Variants in ST3GAL1 observed in about 807,000 individuals in gnomAD.
The protein encoded by ST3GAL1 is ST3 beta-galactoside alpha-2,3-sialyltransferase 1.
Under a neutral mutation model 34.1 loss-of-function variants are expected in ST3GAL1, and 16 were observed. That is an observed-to-expected ratio of 0.47 (90% CI 0.32 to 0.71). The LOEUF (loss-of-function observed/expected upper bound fraction) is 0.71, where lower values mean the gene tolerates loss of function less well. ST3GAL1 is among the 30% of genes least tolerant of loss of function. ST3GAL1 has a pLI of 0.04. For synonymous variants in ST3GAL1, 191 were observed against 184.7 expected (o/e 1.03, Z -0.28); for missense variants, 353 against 447.4 (o/e 0.79, Z 1.90).
At chr8:133,551,569 A>G (rs1008109340) in intron 1 of ST3GAL1, among the ~76,000 whole-genome samples, 24 of 148,904 alleles carry the variant, frequency 1.6e-4, no homozygotes, top group African/African-American at 6.0e-4. Flanking sequence ...AAAGAAAGAA[A>G]GAAAGAAAGA....
chr8:133,460,063 T>A, intron 9 of ST3GAL1, 126 bp from the exon 10 acceptor site: 1 of 989,566 alleles, frequency 1.0e-6, no homozygotes, highest in Non-Finnish European at 1.4e-6. Context: ...GGACTCTGAC[T>A]AACCCTTCAT....
chr8:133,490,398 C>G (rs757420239), intron 3 of ST3GAL1, among the ~76,000 whole-genome samples: 1 of 152,230 alleles, frequency 6.6e-6, no homozygotes, highest in Admixed American at 6.5e-5. Flanking sequence ...ATAGCGAAGC[C>G]GCACACTAGG....
chr8:133,468,912 T>A (rs1586589146), intron 5 of ST3GAL1, among the ~76,000 whole-genome samples: 2 of 152,288 alleles, frequency 1.3e-5, no homozygotes, highest in African/African-American at 4.8e-5. Flanking sequence ...CATGGAGGTC[T>A]CCAACTAGCA....
chr8:133,488,231 A>T (rs1228639382), intron 3 of ST3GAL1: 1 of 152,176 alleles, frequency 6.6e-6, no homozygotes, highest in Admixed American at 6.5e-5. Context: ...AGCGAGACTT[A>T]TCTCTAAGTA....
At chr8:133,483,096 C>T (rs1320488407) in intron 3 of ST3GAL1, among the ~76,000 whole-genome samples, 1 of 152,174 alleles carries the variant, frequency 6.6e-6, no homozygotes, top group African/African-American at 2.4e-5. Context: ...AATCCCAGCA[C>T]TTTGGGAGGC....
intron 2 of ST3GAL1, among the ~76,000 whole-genome samples, chr8:133,535,198 T>C (rs1018808342): frequency 2.0e-5 from 3 of 152,180 alleles, no homozygotes; most frequent in Non-Finnish European, 4.4e-5. Context: ...CCTGCAGACA[T>C]GGCAGGTACT....
chr8:133,487,013 G>T (rs151312572), intron 3 of ST3GAL1, among the ~76,000 whole-genome samples: 56 of 152,272 alleles, frequency 3.7e-4, no homozygotes, highest in African/African-American at 1.2e-3. Flanking sequence ...GTGTCATCTT[G>T]GCTCACCATA....
chr8:133,463,291 A>G (rs549170951), intron 8 of ST3GAL1, 123 bp downstream of exon 8: 19 of 1,071,504 alleles, frequency 1.8e-5, no homozygotes, highest in Non-Finnish European at 2.7e-5. Flanking sequence ...GCTAAGTGGG[A>G]GATGCTACCT....
chr8:133,493,892 C>A (rs571986887), intron 3 of ST3GAL1, among the ~76,000 whole-genome samples: 24 of 150,486 alleles, frequency 1.6e-4, no homozygotes, highest in Non-Finnish European at 2.5e-4. Context: ...TAGCTATTTT[C>A]TCTTGCCTCT....
intron 1 of ST3GAL1, among the ~76,000 whole-genome samples, chr8:133,549,590 G>C (rs1818781322): frequency 6.6e-6 from 1 of 151,988 alleles, no homozygotes; most frequent in Non-Finnish European, 1.5e-5. Context: ...TCTTAAGTTG[G>C]CTTTGAAAAA....
chr8:133,557,249 G>A (rs1308725057), intron 1 of ST3GAL1, among the ~76,000 whole-genome samples: 1 of 152,202 alleles, frequency 6.6e-6, no homozygotes, highest in African/African-American at 2.4e-5. Flanking sequence ...AGGTCTAAAG[G>A]AAGTGAGGAG....
Position 133,466,925 on chromosome 8 carries a change from C to A in ST3GAL1, c.307-835G>T, listed in dbSNP as rs954260849. Among the ~76,000 whole-genome samples, 21 of 152,154 alleles carry A rather than the reference C, an allele frequency of 1.4e-4. No homozygotes were observed. Among genetic ancestry groups the A allele is most frequent in the African/African-American group, 4.1e-4 (17 of 41,502 alleles). The stretch of plus-strand genomic sequence containing the variant: ...CAGCCTGGCCAATATGGTGAAACCC[C>A]ATCTCTATTAAAAATACAAAAAAGC... On this transcript the variant is annotated intron_variant, in intron 5 of 9. Coordinates refer to ENST00000522652, the MANE Select transcript of ST3GAL1 (RefSeq NM_173344.3). This position sits in a 1 kb window ranked among gnomAD's most constrained non-coding sequence, Gnocchi z 4.4.
rs1343853928 is a variant in ST3GAL1 at position 133,458,809 on chromosome 8, C to G, written c.*955G>C. The G allele has an allele frequency of 6.6e-6, 1 of 152,030 alleles. No individual in the cohort carries two copies. The highest frequency in any genetic ancestry group is 1.5e-5 in the Non-Finnish European group (1 of 68,032). 9.4% of individuals were successfully genotyped at this position (152,030 alleles called of 1,614,324 possible). ...GATTAGAACCATGAGACTGACTACT[C>G]AAAGGAACAACTGCTTGGGAAGAGG... is the stretch of plus-strand genomic sequence containing the variant. On this transcript the variant is annotated 3_prime_UTR_variant, in exon 10 of 10. Transcript: ENST00000522652.
rs777053304 is a variant in ST3GAL1, at chr8:133,556,676, G to A, written c.-581-10750C>T. On this transcript the variant is annotated intron_variant, in intron 1 of 9. Transcript: ENST00000522652. This position sits in a 1 kb window ranked among gnomAD's most constrained non-coding sequence, Gnocchi z 8.9. ...GAACGAAAATGGGAAGGAAGAGAAG[G>A]GAGAAAGAAAACTATTAGCCATGGA... Among the ~76,000 whole-genome samples, 14 of 152,154 alleles carry A rather than the reference G, an allele frequency of 9.2e-5. No homozygotes were observed. Among genetic ancestry groups the A allele is most frequent in the Non-Finnish European group, 1.9e-4 (13 of 68,014 alleles).
In ST3GAL1 at chr8:133,466,107, G is replaced by A. The variant is rs765382175; in HGVS notation, c.307-17C>T. On this transcript the variant is annotated splice_polypyrimidine_tract_variant and intron_variant, in intron 5 of 9. Coordinates refer to ENST00000522652, the MANE Select transcript of ST3GAL1 (RefSeq NM_173344.3). This position sits in a 1 kb window ranked among gnomAD's most constrained non-coding sequence, Gnocchi z 4.4. ...CTGGAGCCTCTGTGGGCGGAGGACA[G>A]AAGGTGGTCAACCTGGCTTTGTGGC... is the stretch of plus-strand genomic sequence containing the variant. 1.1e-5 allele frequency: 17 copies of A among 1,599,420 alleles called. No individual in the cohort carries two copies. Among genetic ancestry groups the A allele is most frequent in the Middle Eastern group, 1.7e-4 (1 of 6,000 alleles).
At chr8:133,526,062 C>T (rs571361130) in intron 2 of ST3GAL1, among the ~76,000 whole-genome samples, 4 of 152,324 alleles carry the variant, frequency 2.6e-5, no homozygotes, top group African/African-American at 4.8e-5. Flanking sequence ...TCCCCTGCTG[C>T]AGCTGGCATC....
chr8:133,472,375 A>G (rs1024292082), intron 5 of ST3GAL1, among the ~76,000 whole-genome samples: 2 of 152,112 alleles, frequency 1.3e-5, no homozygotes, highest in African/African-American at 2.4e-5. Context: ...GTATGGGGGA[A>G]ATCGCCCCCA....
intron 3 of ST3GAL1, among the ~76,000 whole-genome samples, chr8:133,485,708 C>A (rs979463376): frequency 6.6e-6 from 1 of 152,132 alleles, no homozygotes; most frequent in Non-Finnish European, 1.5e-5. Context: ...GTGGCTACCC[C>A]GGAGTAGGTG....
chr8:133,465,864 G>A (rs761659684), intron 6 of ST3GAL1, 30 bp downstream of exon 6: 41 of 1,602,456 alleles, frequency 2.6e-5, no homozygotes, highest in African/African-American at 5.4e-5. Context: ...GGTGCAGCAC[G>A]GTAGGCTTGG....
Sources: allele counts gnomAD v4.1 joint callset (sites outside exome capture counted in the v4.1 genomes callset), GRCh38; gene constraint gnomAD v4.1.1; non-coding constraint Gnocchi (gnomAD v3.1); transcripts MANE v1.5; gene names NCBI Gene and HGNC (gene_info 2026-07-23, HGNC 2026-07-21).